Variants in NELL1 observed in about 807,000 individuals in gnomAD.
NELL1 encodes the protein protein kinase C-binding protein NELL1.
A neutral mutation model predicts 107.4 loss-of-function variants in NELL1; 76 were observed. The observed-to-expected ratio is 0.71, with a 90% CI of 0.59 to 0.86. The LOEUF (loss-of-function observed/expected upper bound fraction) is 0.86. Among genes scored for constraint, NELL1 ranks in the 40% least tolerant of loss-of-function variants. The pLI is 0.00. For missense variants in NELL1, 1,024 were observed against 1,005.5 expected, an observed-to-expected ratio of 1.02 and a Z score of -0.25; for synonymous variants, 353 against 341.2, an observed-to-expected ratio of 1.03 and a Z score of -0.38.
At chr11:21,139,040 T>C (rs753000964) in intron 13 of NELL1, among the ~76,000 whole-genome samples, 1 of 152,230 alleles carries the variant, frequency 6.6e-6, no homozygotes, top group Non-Finnish European at 1.5e-5. Flanking sequence ...TGAGGGCTCA[T>C]GCTTCTAACA....
chr11:20,739,715 T>C (rs1855844656), intron 2 of NELL1, among the ~76,000 whole-genome samples: 1 of 152,174 alleles, frequency 6.6e-6, no homozygotes, highest in Non-Finnish European at 1.5e-5. Context: ...CGCACTGCCA[T>C]TCCCTGGGCA....
intron 2 of NELL1, among the ~76,000 whole-genome samples, chr11:20,780,244 C>T (rs1375147615): frequency 2.0e-5 from 3 of 152,136 alleles, no homozygotes; most frequent in African/African-American, 7.2e-5. Flanking sequence ...CTAGATCAGA[C>T]TGTTAAGTGG....
chr11:21,500,245 C>G (rs1418190293), intron 15 of NELL1, among the ~76,000 whole-genome samples: 1 of 152,084 alleles, frequency 6.6e-6, no homozygotes, highest in African/African-American at 2.4e-5. Context: ...AAAAACATAA[C>G]ACTTTCAACA....
At chr11:21,379,499 T>G (rs760638058) in intron 15 of NELL1, among the ~76,000 whole-genome samples, 2 of 152,088 alleles carry the variant, frequency 1.3e-5, no homozygotes, top group Non-Finnish European at 2.9e-5. Flanking sequence ...CAAACAACTT[T>G]GAACAGCTTT....
chr11:20,862,225 A>G (rs1848991028), intron 4 of NELL1, among the ~76,000 whole-genome samples: 2 of 152,368 alleles, frequency 1.3e-5, no homozygotes, highest in South Asian at 2.1e-4. Context: ...CATCTGAGAA[A>G]AGCAGAAGTG....
chr11:21,113,612 A>G lies in NELL1; in HGVS notation c.1324A>G (p.Met442Val). 2 of 1,611,976 alleles carry G rather than the reference A, an allele frequency of 1.2e-6. No homozygotes were observed. The highest frequency in any genetic ancestry group is 2.2e-5 in the East Asian group (1 of 44,790). The change falls in exon 13 of 20, where the codon ATG (methionine) becomes GTG (valine). Residue 442 changes from methionine (M) to valine (V), a missense_variant. Met to Val is a conservative substitution (Grantham distance 21). Coordinates refer to ENST00000357134, the MANE Select transcript of NELL1 (RefSeq NM_006157.5). ...AGATATTGATGAGTGTGCAGCTAAG[A>G]TGCATTACTGTCATGCCAATACTGT... ...CEDIDECAAK[M>V]HYCHANTVCV... is the part of the protein sequence containing the mutation.
At chr11:20,751,885 G>T in intron 2 of NELL1, among the ~76,000 whole-genome samples, 1 of 151,976 alleles carries the variant, frequency 6.6e-6, no homozygotes, top group East Asian at 1.9e-4. Flanking sequence ...CTATTTCATA[G>T]AATTGCAATT....
chr11:20,966,796 T>C (rs75116665), intron 12 of NELL1, among the ~76,000 whole-genome samples: 4,155 of 152,204 alleles, frequency 0.027, 179 homozygotes, highest in African/African-American at 0.093. Context: ...CCTGCTCTCC[T>C]ACCCACTTGA....
chr11:21,337,684 C>T (rs1850438180), intron 14 of NELL1, among the ~76,000 whole-genome samples: 1 of 152,172 alleles, frequency 6.6e-6, no homozygotes, highest in Non-Finnish European at 1.5e-5. Context: ...ACCCTCCTTC[C>T]TGCTGGCACC....
intron 10 of NELL1, among the ~76,000 whole-genome samples, chr11:20,945,868 C>T (rs1041783259): frequency 6.6e-6 from 1 of 151,972 alleles, no homozygotes; most frequent in Non-Finnish European, 1.5e-5. Context: ...GTAGCAGGAT[C>T]GATTCTCAGG....
At chr11:21,455,300 CCTTTTTTTTTT>C in intron 15 of NELL1, among the ~76,000 whole-genome samples, 1 of 133,252 alleles carries the variant, frequency 7.5e-6, no homozygotes, top group South Asian at 2.4e-4. Flanking sequence ...GTGGCTATTT[CCTTTTTTTTTT>C]CTTTTATTCT....
chr11:21,413,360 G>T (rs188175428), intron 15 of NELL1, among the ~76,000 whole-genome samples: 12 of 151,960 alleles, frequency 7.9e-5, no homozygotes, highest in Admixed American at 7.2e-4. Context: ...GGGTGGGGGG[G>T]AGATATAGTA....
At chr11:20,975,851 T>TACATATATGTGTATTATATATAC (rs1851607396) in intron 12 of NELL1, among the ~76,000 whole-genome samples, 1 of 137,646 alleles carries the variant, frequency 7.3e-6, no homozygotes, top group Non-Finnish European at 1.5e-5. Flanking sequence ...GTATTATATA[T>TACATATATGTGTATTATATATAC]ACATATATGT....
chr11:21,371,102 T>A (rs1430121406), intron 15 of NELL1, among the ~76,000 whole-genome samples, 154 bp downstream of exon 15: 1 of 152,104 alleles, frequency 6.6e-6, no homozygotes, highest in Admixed American at 6.6e-5. Flanking sequence ...GTGGGTACCT[T>A]GCTTAAAAGC....
intron 2 of NELL1, among the ~76,000 whole-genome samples, chr11:20,687,412 A>G (rs1854333891): frequency 6.6e-6 from 1 of 151,712 alleles, no homozygotes; most frequent in Non-Finnish European, 1.5e-5. Flanking sequence ...ATTTTTGTTT[A>G]TTGAGTTTTT....
chr11:21,090,331 G>A (rs1054962154), intron 12 of NELL1, among the ~76,000 whole-genome samples: 1 of 152,102 alleles, frequency 6.6e-6, no homozygotes, highest in Non-Finnish European at 1.5e-5. Flanking sequence ...GCAAAATATA[G>A]TACAGCCATG....
intron 12 of NELL1, among the ~76,000 whole-genome samples, chr11:20,976,048 A>C (rs1213439230): frequency 6.9e-6 from 1 of 145,384 alleles, no homozygotes; most frequent in African/African-American, 2.5e-5. Flanking sequence ...CATTACATTT[A>C]TATATACATA....
rs762961491 is a variant in NELL1, at chr11:20,882,891, T to A, written c.507-2553T>A. Among the ~76,000 whole-genome samples, 6 of 152,362 alleles carry A rather than the reference T, an allele frequency of 3.9e-5. No individual in the cohort carries two copies. In the Middle Eastern group the frequency reaches 0.01, roughly 259 times the overall value. ...CTGTTGTTCAGCCTTTCTTTATTTT[T>A]CATGACATTGACATTTTAAAGACCA... On this transcript the variant is annotated intron_variant, in intron 4 of 19. Transcript: ENST00000357134.
At chr11:20,754,045 C>G (rs908189788) in intron 2 of NELL1, among the ~76,000 whole-genome samples, 1 of 152,120 alleles carries the variant, frequency 6.6e-6, no homozygotes, top group Non-Finnish European at 1.5e-5. Context: ...GACCTGAACC[C>G]CATGCCTACC....
Sources: allele counts gnomAD v4.1 joint callset (sites outside exome capture counted in the v4.1 genomes callset), GRCh38; gene constraint gnomAD v4.1.1; transcripts MANE v1.5; gene names NCBI Gene and HGNC (gene_info 2026-07-23, HGNC 2026-07-21).